The following NRBP1 variants were observed in gnomAD, a reference collection of about 807,000 sequenced individuals.
The protein encoded by NRBP1 is nuclear receptor binding protein 1.
In NRBP1, 10 loss-of-function variants were observed where a neutral mutation model predicts 76.0. That is an observed-to-expected ratio of 0.13 (90% CI 0.08 to 0.22). The LOEUF is 0.22. Ranked by LOEUF, NRBP1 falls within the 10% of genes least tolerant of loss-of-function variation. The probability of loss-of-function intolerance (pLI) is 1.00; values close to 1 mark genes in which losing one functional copy is unlikely to be tolerated. For synonymous variants in NRBP1, 235 were observed against 240.2 expected, an observed-to-expected ratio of 0.98 and a Z score of 0.20; for missense variants, 344 against 646.0, an observed-to-expected ratio of 0.53 and a Z score of 5.07.
chr2:27,440,348 T>A (rs1260341), intron 11 of NRBP1, 55 bp from the exon 12 acceptor site: 500,572 of 1,243,206 alleles, frequency 0.4, 106,656 homozygotes, highest in African/African-American at 0.67. Flanking sequence ...CATGCCTTCT[T>A]TGACATTTAA....
chr2:27,430,442 GTTTC>G (rs1664059230), intron 1 of NRBP1, among the ~76,000 whole-genome samples: 1 of 147,826 alleles, frequency 6.8e-6, no homozygotes, highest in Admixed American at 6.8e-5. Flanking sequence ...CAGGGTATCA[GTTTC>G]TTTTTCTTTT....
At chr2:27,435,303 G>C in intron 7 of NRBP1, 76 bp downstream of exon 7, 2 of 1,294,934 alleles carry the variant, frequency 1.5e-6, no homozygotes, top group Non-Finnish European at 1.1e-6. Context: ...AAAGGAATGG[G>C]GGATAACAGA....
rs1572690471 is a variant in NRBP1 at position 27,435,978 on chromosome 2, C to T, written c.661+751C>T. On this transcript the variant is annotated intron_variant, in intron 7 of 17. Transcript: ENST00000379852. The stretch of plus-strand genomic sequence containing the variant: ...CACTTACCTCCTGGATTCATGTTCT[C>T]CCTCATCATCAGGCTAGTTCCCAGA... 1.3e-5 allele frequency: 8 copies of T among 598,274 alleles called. No homozygotes were observed. In the Admixed American group the frequency reaches 1.7e-4, roughly 13 times the overall value. The allele number at this position is 598,274 out of a possible 1,614,324, so 37.1% of individuals were successfully genotyped here.
chr2:27,429,331 TG>T (rs1558331868), intron 1 of NRBP1: 1 of 152,396 alleles, frequency 6.6e-6, no homozygotes, highest in Non-Finnish European at 1.5e-5. Context: ...GACTGGACTG[TG>T]CTGCGGGTCT....
chr2:27,441,562 G>C lies in NRBP1; in HGVS notation c.1448-5G>C. 1 of 1,614,080 alleles carries C rather than the reference G, an allele frequency of 6.2e-7. No homozygotes were observed. Among genetic ancestry groups the C allele is most frequent in the Middle Eastern group, 1.6e-4 (1 of 6,062 alleles). ...TGTACTCACCCCCTCCTGTTTCTTT[G>C]TCAGATGAGAATATCCCCGAGTTGG... On this transcript the variant is annotated splice_polypyrimidine_tract_variant and splice_region_variant and intron_variant, in intron 16 of 17. Transcript: ENST00000379852.
In NRBP1 at chr2:27,441,850, G is replaced by C; in HGVS notation, c.*38G>C. 4 of 1,269,904 alleles carry C rather than the reference G, an allele frequency of 3.1e-6. No individual in the cohort carries two copies. The highest frequency in any genetic ancestry group is 4.5e-6 in the Non-Finnish European group (4 of 879,272). 78.7% of individuals were successfully genotyped at this position (1,269,904 alleles called of 1,614,324 possible). ...CCAGGCCCTGATCTGCGCTGTGGCTGTCCCTGGACGTGCTGCAGCCCTCCT... is the reference window on the plus strand; with the variant it reads ...CCAGGCCCTGATCTGCGCTGTGGCTCTCCCTGGACGTGCTGCAGCCCTCCT... On this transcript the variant is annotated 3_prime_UTR_variant, in exon 18 of 18. Transcript: ENST00000379852.
intron 16 of NRBP1, 55 bp downstream of exon 16, chr2:27,441,385 G>T (rs1024019117): frequency 6.4e-7 from 1 of 1,567,112 alleles, no homozygotes; most frequent in East Asian, 2.2e-5. Context: ...TATCTTTTAG[G>T]GACATATTCA....
intron 7 of NRBP1, chr2:27,435,980 CTCA>C (rs1330793914): frequency 1.7e-6 from 1 of 598,054 alleles, no homozygotes; most frequent in East Asian, 2.8e-5. Context: ...CATGTTCTCC[CTCA>C]TCATCAGGCT....
chr2:27,441,800 C>T lies in NRBP1; in HGVS notation c.1596C>T (p.Thr532=), dbSNP rs1386140729. 7 of 1,610,474 alleles carry T rather than the reference C, an allele frequency of 4.3e-6. No homozygotes were observed. Among genetic ancestry groups the T allele is most frequent in the African/African-American group, 1.3e-5 (1 of 74,866 alleles). The stretch of plus-strand genomic sequence containing the variant: ...GTACCCTCAACTCAGCCGCTGTCAC[C>T]GTCTCCTCTTAGAGCTCACTCGGGC... The part of the protein sequence containing the change: ...RNSTLNSAAV[T]VSS The change falls in exon 18 of 18, where the codon ACC becomes ACT. Residue 532 remains threonine, a synonymous_variant. Transcript: ENST00000379852.
At chr2:27,433,950 T>C in intron 3 of NRBP1, 39 bp from the exon 4 acceptor site, 1 of 1,549,428 alleles carries the variant, frequency 6.5e-7, no homozygotes, top group Non-Finnish European at 8.7e-7. Context: ...ATTACAGTGA[T>C]TTGTGACTCT....
In NRBP1 at chr2:27,441,915, TCC is replaced by T; in HGVS notation, c.*105_*106del. 1.4e-6 allele frequency: 1 copy of T among 721,236 alleles called. No individual in the cohort carries two copies. The highest frequency in any genetic ancestry group is 2.4e-6 in the Non-Finnish European group (1 of 412,942). The allele number at this position is 721,236 out of a possible 1,614,324, so 44.7% of individuals were successfully genotyped here. On this transcript the variant is annotated 3_prime_UTR_variant, in exon 18 of 18. Transcript: ENST00000379852. Reference sequence around the variant, plus strand: ...GTCAGTATTACCCTGTGAAGCCCCTTCCCTCCTTTATTATTCAGGAGGGCTGG... The same window carrying T: ...GTCAGTATTACCCTGTGAAGCCCCTTCTCCTTTATTATTCAGGAGGGCTGG...
intron 1 of NRBP1, among the ~76,000 whole-genome samples, chr2:27,429,695 TAGGA>T (rs1409891104): frequency 6.6e-6 from 1 of 151,926 alleles, no homozygotes; most frequent in Non-Finnish European, 1.5e-5. Flanking sequence ...AAGGAAAAAT[TAGGA>T]AGGGATAAAA....
intron 1 of NRBP1, among the ~76,000 whole-genome samples, chr2:27,430,530 G>A (rs547418205): frequency 4.1e-5 from 6 of 148,112 alleles, no homozygotes; most frequent in African/African-American, 1.2e-4. Flanking sequence ...GTGCAGTGGC[G>A]CCATCTGGGC....
intron 6 of NRBP1, 71 bp from the exon 7 acceptor site, chr2:27,435,062 C>T: frequency 1.1e-6 from 1 of 889,634 alleles, no homozygotes; most frequent in Non-Finnish European, 1.9e-6. Context: ...GGCCCTTGCT[C>T]CTCTTAACCC....
chr2:27,434,433 T>C (rs751655168), intron 4 of NRBP1, 38 bp from the exon 5 acceptor site: 1 of 1,345,154 alleles, frequency 7.4e-7, no homozygotes, highest in South Asian at 1.2e-5. Flanking sequence ...GGATCATTTC[T>C]ACTATAAGGC....
rs551938713 is a variant in NRBP1, at chr2:27,428,663, C to A, written c.-89C>A. 1.0e-5 allele frequency: 4 copies of A among 398,060 alleles called. No individual in the cohort carries two copies. Among genetic ancestry groups the A allele is most frequent in the Non-Finnish European group, 1.8e-5 (4 of 225,700 alleles). 24.7% of individuals were successfully genotyped at this position (398,060 alleles called of 1,614,324 possible). On this transcript the variant is annotated 5_prime_UTR_variant, in exon 1 of 18. Transcript: ENST00000379852. Reference sequence around the variant, plus strand: ...CTGCGGAGCGCAGCTGTGAGGGAGTCGCTGTGATCCGGGGCCCCGGAACCC... The same window carrying A: ...CTGCGGAGCGCAGCTGTGAGGGAGTAGCTGTGATCCGGGGCCCCGGAACCC...
intron 5 of NRBP1, 75 bp from the exon 6 acceptor site, chr2:27,434,647 A>G (rs2148447836): frequency 6.3e-7 from 1 of 1,596,744 alleles, no homozygotes; most frequent in South Asian, 1.1e-5. Flanking sequence ...CTGATCAGGA[A>G]GGGACGGAAG....
chr2:27,432,593 T>G (rs911837221), intron 1 of NRBP1, among the ~76,000 whole-genome samples: 1 of 152,096 alleles, frequency 6.6e-6, no homozygotes, highest in African/African-American at 2.4e-5. Flanking sequence ...TGTTTGTTTG[T>G]TTTTTGTTGA....
At chr2:27,431,392 GGAAGCTTAAAGTCTTAGCT>G (rs1664110628) in intron 1 of NRBP1, among the ~76,000 whole-genome samples, 10 of 152,342 alleles carry the variant, frequency 6.6e-5, no homozygotes, top group Admixed American at 2.0e-4. Flanking sequence ...AATGAAAGCT[GGAAGCTTAAAGTCTTAGCT>G]CTGGCTTGAA....
Sources: gnomAD v4.1 joint callset for allele counts (sites outside exome capture counted in the v4.1 genomes callset) on GRCh38, gnomAD v4.1.1 for gene constraint, MANE v1.5 for transcripts, NCBI Gene and HGNC (gene_info 2026-07-23, HGNC 2026-07-21) for gene names.